Variants in ANXA8 observed in about 807,000 individuals in gnomAD.
The protein encoded by ANXA8 is VAC-beta.
In ANXA8, 9 loss-of-function variants were observed where a neutral mutation model predicts 26.8. The ratio of observed to expected loss-of-function variants is 0.34; its 90% confidence interval spans 0.20 to 0.59. ANXA8 has a LOEUF of 0.59. Among genes scored for constraint, ANXA8 ranks in the 20% least tolerant of loss-of-function variants. The pLI is 0.84. For missense variants in ANXA8, 83 were observed against 238.5 expected (o/e 0.35, Z 4.29); for synonymous variants, 39 against 94.8 (o/e 0.41, Z 3.42).
At chr10:47,687,796 C>T in the ANXA8 span, among the ~76,000 whole-genome samples, 3 of 151,824 alleles carry the variant, frequency 2.0e-5, no homozygotes, top group South Asian at 2.1e-4. Context: ...GATTCTTAAT[C>T]ATTTTTTTAA....
the ANXA8 span, among the ~76,000 whole-genome samples, chr10:47,694,707 C>G: frequency 1.3e-5 from 2 of 151,914 alleles, no homozygotes; most frequent in African/African-American, 2.4e-5. Context: ...GCGCGAGCCA[C>G]CGCGCCCGGC....
chr10:47,892,562 A>G, the ANXA8 span, among the ~76,000 whole-genome samples: 1 of 148,494 alleles, frequency 6.7e-6, no homozygotes, highest in African/African-American at 2.5e-5. Flanking sequence ...CATGACTAGT[A>G]TCAGGTCCAA....
the ANXA8 span, among the ~76,000 whole-genome samples, chr10:47,772,462 G>A: frequency 2.6e-5 from 4 of 152,382 alleles, no homozygotes; most frequent in Admixed American, 6.5e-5. Flanking sequence ...CCCACACACA[G>A]CCATGCTGGT....
chr10:47,491,773 C>A, the ANXA8 span: 4 of 1,513,308 alleles, frequency 2.6e-6, no homozygotes, highest in Admixed American at 5.9e-5. Flanking sequence ...GGGCAATAAG[C>A]CCTCACCCCA....
At chr10:47,672,277 A>G in the ANXA8 span, among the ~76,000 whole-genome samples, 3 of 150,686 alleles carry the variant, frequency 2.0e-5, no homozygotes, top group African/African-American at 7.4e-5. Context: ...CCTGCTTAGA[A>G]CCTGGGTTGA....
chr10:47,548,936 G>A, the ANXA8 span, among the ~76,000 whole-genome samples: 1 of 152,286 alleles, frequency 6.6e-6, no homozygotes, highest in Non-Finnish European at 1.5e-5. Context: ...TTTGTAGAAA[G>A]CAGTTAGCAC....
At chr10:47,947,828 G>T in the ANXA8 span, among the ~76,000 whole-genome samples, 2 of 150,456 alleles carry the variant, frequency 1.3e-5, no homozygotes, top group Admixed American at 6.6e-5. Context: ...GTACAACAGG[G>T]TTCCCCATGG....
the ANXA8 span, among the ~76,000 whole-genome samples, chr10:47,767,712 G>A: frequency 6.6e-6 from 1 of 151,658 alleles, no homozygotes; most frequent in African/African-American, 2.4e-5. Context: ...GCCACCCCCT[G>A]CCCCCGTGAG....
chr10:47,957,491 C>A, the ANXA8 span, among the ~76,000 whole-genome samples: 1 of 150,600 alleles, frequency 6.6e-6, no homozygotes, highest in Non-Finnish European at 1.5e-5. Flanking sequence ...AGGGGACCGG[C>A]TTCTTGTTTC....
At chr10:47,699,444 A>T in the ANXA8 span, among the ~76,000 whole-genome samples, 6 of 151,228 alleles carry the variant, frequency 4.0e-5, no homozygotes, top group Non-Finnish European at 4.4e-5. Context: ...CTCTGATAAC[A>T]TACCTGAAAA....
chr10:47,608,083 G>T, the ANXA8 span, among the ~76,000 whole-genome samples: 1 of 148,086 alleles, frequency 6.8e-6, no homozygotes, highest in African/African-American at 2.6e-5. Context: ...TATTTTGTTA[G>T]AATGCAATTA....
At chr10:47,503,310 A>C in the ANXA8 span, 1 of 1,593,922 alleles carries the variant, frequency 6.3e-7, no homozygotes, top group East Asian at 2.3e-5. Flanking sequence ...CGATGGTGTC[A>C]GCATGATTCT....
At chr10:47,651,212 G>GATAATA in the ANXA8 span, among the ~76,000 whole-genome samples, 1 of 142,902 alleles carries the variant, frequency 7.0e-6, no homozygotes, top group Non-Finnish European at 1.5e-5. Flanking sequence ...AAATAATAAT[G>GATAATA]ATAATAATAA....
chr10:47,670,516 G>A, the ANXA8 span, among the ~76,000 whole-genome samples: 5 of 152,012 alleles, frequency 3.3e-5, no homozygotes, highest in Admixed American at 6.5e-5. Context: ...CCACATTTTT[G>A]CCAACACTGT....
chr10:47,709,940 G>C, the ANXA8 span, among the ~76,000 whole-genome samples: 3 of 92,128 alleles, frequency 3.3e-5, no homozygotes, highest in African/African-American at 5.2e-5. Flanking sequence ...TTGGTTAATT[G>C]ATAGAAAATG....
chr10:47,548,717 T>C, the ANXA8 span, among the ~76,000 whole-genome samples: 1 of 151,514 alleles, frequency 6.6e-6, no homozygotes, highest in Non-Finnish European at 1.5e-5. Context: ...ATCTAAATTT[T>C]CTATTGATAA....
the ANXA8 span, among the ~76,000 whole-genome samples, chr10:47,980,525 T>G: frequency 6.6e-6 from 1 of 151,762 alleles, no homozygotes; most frequent in African/African-American, 2.4e-5. Context: ...TTAGCTTGAC[T>G]GAGAAGAAAA....
At chr10:47,554,110 A>AAAAAAAAT in the ANXA8 span, among the ~76,000 whole-genome samples, 3 of 129,864 alleles carry the variant, frequency 2.3e-5, no homozygotes, top group Admixed American at 7.9e-5. Flanking sequence ...CATCTCTCAA[A>AAAAAAAAT]AAATAAATAA....
the ANXA8 span, among the ~76,000 whole-genome samples, chr10:47,902,042 A>AT: frequency 2.7e-5 from 4 of 149,114 alleles, no homozygotes; most frequent in African/African-American, 4.9e-5. Context: ...TAATCATCTA[A>AT]TTTTTTTTAA....
Sources: allele counts gnomAD v4.1 joint callset (sites outside exome capture counted in the v4.1 genomes callset), GRCh38; gene constraint gnomAD v4.1.1; transcripts MANE v1.5; gene names NCBI Gene and HGNC (gene_info 2026-07-23, HGNC 2026-07-21).